The following CDH18 variants were observed in gnomAD, a reference collection of about 807,000 sequenced individuals.
CDH18 encodes the protein cadherin 18.
A neutral mutation model predicts 67.9 loss-of-function variants in CDH18; 31 were observed. That is an observed-to-expected ratio of 0.46 (90% CI 0.34 to 0.62). CDH18 has a LOEUF of 0.62. CDH18 is among the 20% of genes least tolerant of loss of function. The pLI is 0.01. For synonymous variants in CDH18, 362 were observed against 347.2 expected (o/e 1.04, Z -0.48); for missense variants, 890 against 975.5 (o/e 0.91, Z 1.17).
intron 6 of CDH18, among the ~76,000 whole-genome samples, chr5:19,606,401 A>G (rs1748049715): frequency 6.6e-6 from 1 of 152,102 alleles, no homozygotes; most frequent in Admixed American, 6.6e-5. Flanking sequence ...TGAAATAAGT[A>G]TGGTTAATAT....
intron 4 of CDH18, among the ~76,000 whole-genome samples, chr5:19,722,077 G>A (rs899335365): frequency 6.6e-6 from 1 of 151,938 alleles, no homozygotes; most frequent in Admixed American, 6.6e-5. Flanking sequence ...GACATGAGAT[G>A]GAGTCTTGCT....
chr5:20,077,239 A>G (rs1203217234), intron 2 of CDH18, among the ~76,000 whole-genome samples: 1 of 152,200 alleles, frequency 6.6e-6, no homozygotes, highest in Non-Finnish European at 1.5e-5. Context: ...TTACAAAGCA[A>G]TTCTTGAGTT....
chr5:19,935,743 T>C (rs139778017), intron 2 of CDH18, among the ~76,000 whole-genome samples: 89 of 150,822 alleles, frequency 5.9e-4, no homozygotes, highest in Non-Finnish European at 1.1e-3. Flanking sequence ...TAAAGAATCT[T>C]AATGTATTGG....
intron 2 of CDH18, among the ~76,000 whole-genome samples, chr5:20,078,321 G>T (rs1252656027): frequency 6.6e-6 from 1 of 151,866 alleles, no homozygotes; most frequent in Admixed American, 6.6e-5. Context: ...AAATTAGCTG[G>T]GTGTGGTGGC....
chr5:20,112,356 GC>G (rs1747549807), intron 2 of CDH18, among the ~76,000 whole-genome samples: 2 of 152,090 alleles, frequency 1.3e-5, no homozygotes. Context: ...TATTTTAATG[GC>G]TGAATTTTTT....
intron 2 of CDH18, among the ~76,000 whole-genome samples, chr5:20,143,888 A>G (rs1750433488): frequency 6.6e-6 from 1 of 152,198 alleles, no homozygotes; most frequent in Non-Finnish European, 1.5e-5. Context: ...ATTTAGGTGT[A>G]TAATGCAAGG....
chr5:19,517,180 A>G (rs1300150133), intron 10 of CDH18, among the ~76,000 whole-genome samples: 1 of 152,128 alleles, frequency 6.6e-6, no homozygotes, highest in Non-Finnish European at 1.5e-5. Context: ...ATCACATTGT[A>G]GTTTTAATTT....
intron 2 of CDH18, among the ~76,000 whole-genome samples, chr5:20,038,323 AG>A (rs1740075897): frequency 6.6e-6 from 1 of 152,188 alleles, no homozygotes; most frequent in South Asian, 2.1e-4. Context: ...CAACTGAAAA[AG>A]AGGGACTCAT....
At chr5:19,910,732 G>A (rs1221714060) in intron 2 of CDH18, among the ~76,000 whole-genome samples, 3 of 152,094 alleles carry the variant, frequency 2.0e-5, no homozygotes, top group Non-Finnish European at 2.9e-5. Context: ...GTCTTACCAC[G>A]TGTCCTGGAC....
chr5:19,887,402 G>A (rs1046079283), intron 2 of CDH18, among the ~76,000 whole-genome samples: 11 of 151,710 alleles, frequency 7.3e-5, no homozygotes, highest in Admixed American at 7.2e-4. Context: ...CTCTCCTCAT[G>A]ATCTGTTTTG....
chr5:19,496,230 G>A (rs1340864775), intron 11 of CDH18, among the ~76,000 whole-genome samples: 1 of 152,138 alleles, frequency 6.6e-6, no homozygotes, highest in Admixed American at 6.5e-5. Flanking sequence ...GAGACAAACT[G>A]AAACTAAACA....
At chr5:20,049,521 A>G (rs978457412) in intron 2 of CDH18, among the ~76,000 whole-genome samples, 2 of 151,800 alleles carry the variant, frequency 1.3e-5, no homozygotes, top group Admixed American at 1.3e-4. Flanking sequence ...TAAAATGTTA[A>G]ATACAAGAAA....
intron 1 of CDH18, among the ~76,000 whole-genome samples, chr5:20,297,621 G>T (rs112460744): frequency 6.6e-6 from 1 of 152,168 alleles, no homozygotes; most frequent in African/African-American, 2.4e-5. Context: ...ACTGGATGCT[G>T]CTAAATATAC....
intron 7 of CDH18, among the ~76,000 whole-genome samples, chr5:19,572,563 C>T (rs1435791580): frequency 2.0e-5 from 3 of 152,160 alleles, no homozygotes; most frequent in African/African-American, 7.2e-5. Flanking sequence ...CCAACATCAA[C>T]GTTCCTTTCA....
chr5:19,662,510 G>A lies in CDH18; in HGVS notation c.644-49909C>T, dbSNP rs761060587. On this transcript the variant is annotated intron_variant, in intron 5 of 12. Transcript: ENST00000382275. ...TTTATCACCTGAAAAGTACGTAATT[G>A]TACAGTTTATATTATCTCTGCATTT... Among the ~76,000 whole-genome samples, 7 of 152,096 alleles carry A rather than the reference G, an allele frequency of 4.6e-5. No homozygotes were observed. The South Asian group carries it at 1.5e-3, about 32-fold the overall frequency.
intron 1 of CDH18, among the ~76,000 whole-genome samples, chr5:20,448,387 C>T (rs1371063365): frequency 6.6e-6 from 1 of 151,708 alleles, no homozygotes; most frequent in Non-Finnish European, 1.5e-5. Context: ...TGATCTCTTT[C>T]ATCAGGCATG....
chr5:20,487,576 C>G (rs1020867517), intron 1 of CDH18, among the ~76,000 whole-genome samples: 1 of 150,916 alleles, frequency 6.6e-6, no homozygotes, highest in Non-Finnish European at 1.5e-5. Context: ...TATCAAATTT[C>G]CACATTTGGG....
intron 1 of CDH18, among the ~76,000 whole-genome samples, chr5:20,553,570 T>C (rs1332843657): frequency 2.6e-5 from 4 of 152,152 alleles, no homozygotes; most frequent in Admixed American, 6.6e-5. Context: ...AAAACACCAC[T>C]TTAACCATGT....
At chr5:19,618,791 A>G (rs1258007333) in intron 5 of CDH18, among the ~76,000 whole-genome samples, 1 of 152,136 alleles carries the variant, frequency 6.6e-6, no homozygotes, top group Non-Finnish European at 1.5e-5. Context: ...TTACCCACAT[A>G]TGGTACCTGG....
Sources: allele counts gnomAD v4.1 joint callset (sites outside exome capture counted in the v4.1 genomes callset), GRCh38; gene constraint gnomAD v4.1.1; transcripts MANE v1.5; gene names NCBI Gene and HGNC (gene_info 2026-07-23, HGNC 2026-07-21).